The following RASGRF1 variants were observed in gnomAD, a reference collection of about 807,000 sequenced individuals.
RASGRF1 encodes the protein Ras protein specific guanine nucleotide releasing factor 1, also known as ras-specific guanine nucleotide-releasing factor 1.
Under a neutral mutation model 138.7 loss-of-function variants are expected in RASGRF1, and 40 were observed. The ratio of observed to expected loss-of-function variants is 0.29; its 90% CI spans 0.22 to 0.38. The LOEUF (loss-of-function observed/expected upper bound fraction) is 0.38. Among genes scored for constraint, RASGRF1 ranks in the 10% least tolerant of loss-of-function variants. The pLI, the probability that RASGRF1 is intolerant of heterozygous loss-of-function variation, is 1.00. For synonymous variants in RASGRF1, 614 were observed against 663.2 expected, an observed-to-expected ratio of 0.93 and a Z score of 1.14; for missense variants, 1,108 against 1,650.4, an observed-to-expected ratio of 0.67 and a Z score of 5.69.
chr15:78,983,161 C>A (rs949730143), intron 23 of RASGRF1, among the ~76,000 whole-genome samples: 3 of 152,196 alleles, frequency 2.0e-5, no homozygotes, highest in African/African-American at 7.2e-5. Context: ...TGGCAGATGC[C>A]GAGCAGGCCA....
At chr15:79,070,275 A>G (rs903332206) in intron 1 of RASGRF1, among the ~76,000 whole-genome samples, 2 of 152,158 alleles carry the variant, frequency 1.3e-5, no homozygotes, top group Admixed American at 6.5e-5. Flanking sequence ...AGTTTGGGTC[A>G]AAGAGCCCAC....
chr15:79,061,585 C>T (rs1272483688), intron 2 of RASGRF1, among the ~76,000 whole-genome samples: 1 of 151,962 alleles, frequency 6.6e-6, no homozygotes, highest in Admixed American at 6.6e-5. Flanking sequence ...CCTGTCAATC[C>T]CTACACCAGA....
intron 24 of RASGRF1, among the ~76,000 whole-genome samples, chr15:78,975,400 A>G (rs1228490240): frequency 1.6e-5 from 2 of 128,312 alleles, no homozygotes; most frequent in Non-Finnish European, 3.2e-5. Context: ...TGATTAAAAA[A>G]AAAAAGAAAA....
intron 1 of RASGRF1, among the ~76,000 whole-genome samples, chr15:79,079,717 G>T (rs1481749231): frequency 6.6e-6 from 1 of 152,206 alleles, no homozygotes; most frequent in Non-Finnish European, 1.5e-5. Flanking sequence ...AGTGAACAGA[G>T]TCATTGAAGG....
intron 3 of RASGRF1, among the ~76,000 whole-genome samples, chr15:79,052,301 G>T (rs1422584434): frequency 6.6e-6 from 1 of 152,228 alleles, no homozygotes; most frequent in Non-Finnish European, 1.5e-5. Flanking sequence ...GCAGTAATGG[G>T]TGATGGAATT....
chr15:79,090,613 G>T lies in RASGRF1; in HGVS notation c.-115C>A. 1 of 1,414,784 alleles carries T rather than the reference G, an allele frequency of 7.1e-7. No homozygotes were observed. The highest frequency in any genetic ancestry group is 9.6e-7 in the Non-Finnish European group (1 of 1,041,534). 87.6% of individuals were successfully genotyped at this position (1,414,784 alleles called of 1,614,324 possible). A position where few individuals can be genotyped will look rare whatever the true frequency, so the allele number is the denominator to read the frequency against. On this transcript the variant is annotated 5_prime_UTR_variant, in exon 1 of 27. Transcript: ENST00000558480. Reference sequence around the variant, plus strand: ...GGCGCTCGCTCGCTCGCTCCCTCTAGCTCTCCCCTCCCCCCAAATATCTAC... The same window carrying T: ...GGCGCTCGCTCGCTCGCTCCCTCTATCTCTCCCCTCCCCCCAAATATCTAC...
chr15:79,056,557 C>T (rs1358635182), intron 3 of RASGRF1, among the ~76,000 whole-genome samples: 1 of 152,166 alleles, frequency 6.6e-6, no homozygotes. Context: ...GCTGTGTGAG[C>T]TTGGGCAAGT....
At chr15:79,029,982 C>T (rs1017525286) in intron 8 of RASGRF1, among the ~76,000 whole-genome samples, 1 of 152,190 alleles carries the variant, frequency 6.6e-6, no homozygotes, top group Non-Finnish European at 1.5e-5. Context: ...AACCTTCTCC[C>T]TTGGGGAAGA....
At position 79,032,529 on chromosome 15, in the gene RASGRF1, TCA is replaced by T. The variant is rs1216606801; in HGVS notation, c.959-215_959-214del. On this transcript the variant is annotated intron_variant, in intron 6 of 26. Transcript: ENST00000558480. This position sits in a 1 kb window ranked among gnomAD's most constrained non-coding sequence, Gnocchi z 4.5. ...CCCCATCATTGGGACCACATTAGAA[TCA>T]CAGACTCTTAGAGACGTGGGGCCCT... 6.6e-6 allele frequency among the ~76,000 whole-genome samples: 1 copy of T among 152,120 alleles called. No individual in the cohort carries two copies. Among genetic ancestry groups the T allele is most frequent in the African/African-American group, 2.4e-5 (1 of 41,410 alleles).
intron 26 of RASGRF1, among the ~76,000 whole-genome samples, chr15:78,971,129 A>C (rs11072821): frequency 1 from 151,981 of 152,282 alleles, 75,842 homozygotes; most frequent in Middle Eastern, 1. Context: ...GGATTCTCCT[A>C]CTCCAGTAAG....
intron 3 of RASGRF1, among the ~76,000 whole-genome samples, chr15:79,053,997 C>T (rs2057473092): frequency 6.6e-6 from 1 of 152,244 alleles, no homozygotes; most frequent in Non-Finnish European, 1.5e-5. Context: ...TAGCATTTGC[C>T]AATTCCCATG....
At position 78,973,290 on chromosome 15, in the gene RASGRF1, G is replaced by T. The variant is rs772140682; in HGVS notation, c.3612+13C>A. On this transcript the variant is annotated intron_variant, in intron 25 of 26. Transcript: ENST00000558480. The surrounding 1 kb of genome is among the most constrained non-coding windows in gnomAD (Gnocchi z 4.9). Reference sequence around the variant, plus strand: ...AACGCCCCCCTTCCCCTGCCTGGCTGGGGGGAACGCACCATCCTCATCTTG... The same window carrying T: ...AACGCCCCCCTTCCCCTGCCTGGCTTGGGGGAACGCACCATCCTCATCTTG... 13 of 1,574,806 alleles carry T rather than the reference G, an allele frequency of 8.3e-6. No individual in the cohort carries two copies. In the Admixed American group the frequency reaches 2.1e-4, roughly 25 times the overall value.
In RASGRF1 at chr15:79,010,139, C is replaced by A. The variant is rs1185181692; in HGVS notation, c.1827-3705G>T. 2.1e-4 allele frequency among the ~76,000 whole-genome samples: 31 copies of A among 147,684 alleles called. 1 individual carries two copies. The highest frequency in any genetic ancestry group is 2.1e-3 in the Admixed American group (31 of 14,864). ...TGGCAACCTCCACCTCGGGCTCAAG[C>A]GATTCTCCTGCCTCAGACTCCTGAG... On this transcript the variant is annotated intron_variant, in intron 13 of 26. Transcript: ENST00000558480.
chr15:79,072,134 G>T (rs988992855), intron 1 of RASGRF1, among the ~76,000 whole-genome samples: 1 of 152,156 alleles, frequency 6.6e-6, no homozygotes, highest in African/African-American at 2.4e-5. Flanking sequence ...AGTCAGGCCA[G>T]CTCAGCTCCC....
chr15:79,000,414 C>G (rs1471654507), intron 16 of RASGRF1, among the ~76,000 whole-genome samples: 1 of 152,160 alleles, frequency 6.6e-6, no homozygotes, highest in Non-Finnish European at 1.5e-5. Flanking sequence ...TCCCCTACCC[C>G]CTACTAGCTG....
At chr15:79,002,701 A>G (rs965758981) in intron 15 of RASGRF1, among the ~76,000 whole-genome samples, 2 of 152,180 alleles carry the variant, frequency 1.3e-5, no homozygotes, top group African/African-American at 2.4e-5. Flanking sequence ...CTGGCAGGCC[A>G]TTTCCTTGGT....
chr15:78,986,461 C>T (rs530577896), intron 22 of RASGRF1, among the ~76,000 whole-genome samples: 27 of 151,936 alleles, frequency 1.8e-4, no homozygotes, highest in African/African-American at 6.3e-4. Flanking sequence ...ATTCTCCTAC[C>T]ACAACCTCCC....
rs921050117 is a variant in RASGRF1, at chr15:78,973,142, T to C, written c.3612+161A>G. 2.6e-5 allele frequency among the ~76,000 whole-genome samples: 4 copies of C among 152,136 alleles called. No homozygotes were observed. The highest frequency in any genetic ancestry group is 5.9e-5 in the Non-Finnish European group (4 of 68,030). ...CTGCCAGATTCTAACTGCTCATCAA[T>C]GATAGTGATGGCTGTCATTGGGGAA... On this transcript the variant is annotated intron_variant, in intron 25 of 26. Coordinates refer to ENST00000558480, the MANE Select transcript of RASGRF1 (RefSeq NM_001145648.3). The surrounding 1 kb of genome is among the most constrained non-coding windows in gnomAD (Gnocchi z 4.9).
At chr15:79,005,320 G>A (rs560629182) in intron 14 of RASGRF1, 74 of 985,454 alleles carry the variant, frequency 7.5e-5, no homozygotes, top group Non-Finnish European at 8.6e-5. Context: ...GGGAGCCAGT[G>A]TGATTCAGGA....
Sources: allele counts gnomAD v4.1 joint callset (sites outside exome capture counted in the v4.1 genomes callset), GRCh38; gene constraint gnomAD v4.1.1; non-coding constraint Gnocchi (gnomAD v3.1); transcripts MANE v1.5; gene names NCBI Gene and HGNC (gene_info 2026-07-23, HGNC 2026-07-21).